FOXM1: variants seen among roughly 807,000 people sequenced by gnomAD.
The protein encoded by FOXM1 is forkhead box M1.
FOXM1 carries 25 observed loss-of-function variants against 63.6 expected under a neutral mutation model. The observed-to-expected ratio is 0.39, with a 90% CI of 0.29 to 0.55. FOXM1 has a LOEUF of 0.55. FOXM1 is among the 20% of genes least tolerant of loss of function. FOXM1 has a pLI of 0.60. For missense variants in FOXM1, 879 were observed against 958.7 expected, an observed-to-expected ratio of 0.92 and a Z score of 1.10; for synonymous variants, 387 against 376.9, an observed-to-expected ratio of 1.03 and a Z score of -0.31.
intron 8 of FOXM1, chr12:2,861,337 T>G (rs367809503): frequency 4.0e-6 from 3 of 743,180 alleles, no homozygotes; most frequent in Non-Finnish European, 7.4e-6. Flanking sequence ...AAGCTGGTGA[T>G]GGGTGTACCA....
chr12:2,874,549 G>C lies in FOXM1; in HGVS notation c.-47-24C>G. On this transcript the variant is annotated intron_variant, in intron 1 of 8. Transcript: ENST00000359843. This position sits in a 1 kb window ranked among gnomAD's most constrained non-coding sequence, Gnocchi z 4.3. ...CCCTGGAAAATGCAAATAGTGGCAA[G>C]ATGTTAGAGATTGTTTAGGCTGAGA... 2.1e-6 allele frequency: 3 copies of C among 1,463,146 alleles called. No individual in the cohort carries two copies. Among genetic ancestry groups the C allele is most frequent in the Non-Finnish European group, 9.2e-7 (1 of 1,090,530 alleles). The allele number at this position is 1,463,146 out of a possible 1,614,324, so 90.6% of individuals were successfully genotyped here. A position where few individuals can be genotyped will look rare whatever the true frequency, so the allele number is the denominator to read the frequency against.
At chr12:2,869,205 T>C (rs1044428691) in intron 3 of FOXM1, among the ~76,000 whole-genome samples, 3 of 152,234 alleles carry the variant, frequency 2.0e-5, no homozygotes, top group African/African-American at 4.8e-5. Context: ...CTCAAGACTA[T>C]GAGTCAGACA....
At position 2,864,702 on chromosome 12, in the gene FOXM1, G is replaced by C; in HGVS notation, c.1071C>G (p.Thr357=). 6.2e-7 allele frequency: 1 copy of C among 1,614,150 alleles called. No homozygotes were observed. Among genetic ancestry groups the C allele is most frequent in the Non-Finnish European group, 8.5e-7 (1 of 1,180,022 alleles). The change falls in exon 7 of 9, where the codon ACC becomes ACG. Residue 357 remains threonine, a synonymous_variant. Transcript: ENST00000359843. This position sits in a 1 kb window ranked among gnomAD's most constrained non-coding sequence, Gnocchi z 5.1. ...ACTAACGTGCGCCCAGGGGGAGTTC[G>C]GTTTTGATGGTCATGTTCCGGCGGA... ...PELRRNMTIK[T]ELPLGARRKM...
At chr12:2,867,641 G>A (rs1261637970) in intron 4 of FOXM1, among the ~76,000 whole-genome samples, 6 of 148,436 alleles carry the variant, frequency 4.0e-5, no homozygotes, top group Non-Finnish European at 8.9e-5. Flanking sequence ...CAGCCTGGGT[G>A]ACAGAGCGAG....
Position 2,859,266 on chromosome 12 carries a change from A to G in FOXM1, c.1664T>C (p.Val555Ala), listed in dbSNP as rs903578380. The change falls in exon 9 of 9, where the codon GTG becomes GCG. Residue 555 changes from valine (V) to alanine (A), a missense_variant. By Grantham distance (64) the Val-to-Ala change is moderately conservative. This residue lies in a region of FOXM1 where 486 missense variants were observed against 453.5 expected (regional missense o/e 1.07). Transcript: ENST00000359843. The part of the protein sequence containing the change: ...RRKQHLLPPC[V>A]DEPELLFSEG... ...TGAGAAGAGCAGCTCCGGCTCATCC[A>G]CACAGGGAGGCAGTAGATGCTGTTT... The G allele has an allele frequency of 6.2e-7, 1 of 1,613,746 alleles. No homozygotes were observed.
chr12:2,875,724 A>AG (rs2098141554), intron 1 of FOXM1, among the ~76,000 whole-genome samples: 1 of 13,042 alleles, frequency 7.7e-5, no homozygotes, highest in Non-Finnish European at 1.4e-4. Flanking sequence ...CTAACAGTGT[A>AG]GTCTTTTTTT....
intron 8 of FOXM1, among the ~76,000 whole-genome samples, chr12:2,862,967 C>G: frequency 6.6e-6 from 1 of 152,120 alleles, no homozygotes; most frequent in East Asian, 1.9e-4. Flanking sequence ...TCAGCCCGTA[C>G]TCACAGAACC....
chr12:2,864,370 T>G lies in FOXM1; in HGVS notation c.1216A>C (p.Met406Leu), dbSNP rs530641866. 6.2e-7 allele frequency: 1 copy of G among 1,613,956 alleles called. No individual in the cohort carries two copies. The highest frequency in any genetic ancestry group is 2.2e-5 in the East Asian group (1 of 44,864). The change falls in exon 8 of 9, where the codon ATG becomes CTG. Residue 406 changes from methionine (M) to leucine (L), a missense_variant. Coordinates refer to ENST00000359843, the MANE Select transcript of FOXM1 (RefSeq NM_021953.4). This position sits in a 1 kb window ranked among gnomAD's most constrained non-coding sequence, Gnocchi z 5.1. ...KVPLPLAASL[M>L]SSELARHSKR... ...CTATGGCGGGCAAGCTCTGAGCTCA[T>G]GAGGGAAGCCGCCAGGGGCAATGGC...
intron 8 of FOXM1, among the ~76,000 whole-genome samples, chr12:2,862,225 A>G (rs984872412): frequency 5.3e-5 from 8 of 152,048 alleles, no homozygotes; most frequent in Non-Finnish European, 1.0e-4. Flanking sequence ...TATGCACAAC[A>G]TGATTACATT....
intron 3 of FOXM1, among the ~76,000 whole-genome samples, 174 bp downstream of exon 3, chr12:2,871,922 A>G (rs28990696): frequency 0.03 from 4,585 of 152,236 alleles, 241 homozygotes; most frequent in African/African-American, 0.1. Context: ...CACAGATGGG[A>G]GAGAAAAGAT....
Position 2,874,531 on chromosome 12 carries a change from A to G in FOXM1, c.-47-6T>C. 1 of 1,526,538 alleles carries G rather than the reference A, an allele frequency of 6.6e-7. No individual in the cohort carries two copies. Among genetic ancestry groups the G allele is most frequent in the South Asian group, 1.3e-5 (1 of 79,074 alleles). 94.6% of individuals were successfully genotyped at this position (1,526,538 alleles called of 1,614,324 possible). On this transcript the variant is annotated splice_polypyrimidine_tract_variant and splice_region_variant and intron_variant, in intron 1 of 8. Coordinates refer to ENST00000359843, the MANE Select transcript of FOXM1 (RefSeq NM_021953.4). This position sits in a 1 kb window ranked among gnomAD's most constrained non-coding sequence, Gnocchi z 4.3. Reference sequence around the variant, plus strand: ...GAGAATCACAAGTGTGGACCCTGGAAAATGCAAATAGTGGCAAGATGTTAG... The same window carrying G: ...GAGAATCACAAGTGTGGACCCTGGAGAATGCAAATAGTGGCAAGATGTTAG...
intron 8 of FOXM1, 98 bp from the exon 9 acceptor site, chr12:2,859,761 G>T: frequency 1.1e-6 from 1 of 892,896 alleles, no homozygotes; most frequent in Non-Finnish European, 1.7e-6. Flanking sequence ...TCGTTTTGAA[G>T]TCTTAAAATC....
In FOXM1 at chr12:2,858,359, A is replaced by G. The variant is rs11831122; in HGVS notation, c.*279T>C. The G allele has an allele frequency of 0.021, 8,811 of 412,270 alleles. 637 individuals are homozygous for G. The highest frequency in any genetic ancestry group is 0.16 in the African/African-American group (7,952 of 50,656). 25.5% of individuals were successfully genotyped at this position (412,270 alleles called of 1,614,324 possible). A position where few individuals can be genotyped will look rare whatever the true frequency, so the allele number is the denominator to read the frequency against. On this transcript the variant is annotated 3_prime_UTR_variant, in exon 9 of 9. Coordinates refer to ENST00000359843, the MANE Select transcript of FOXM1 (RefSeq NM_021953.4). ...AAGAGACTGCTGGGCAGAGAATGGA[A>G]ACAGGCTGGGGGGTTCCTAATCTCT...
intron 3 of FOXM1, among the ~76,000 whole-genome samples, chr12:2,870,957 CAAAAAAAAAAAAAAAAA>C: frequency 2.6e-5 from 1 of 39,126 alleles, no homozygotes; most frequent in Non-Finnish European, 4.8e-5. Context: ...GACTACGTCT[CAAAAAAAAAAAAAAAAA>C]AAAAAAAAGC....
chr12:2,860,523 T>C (rs1430611687), intron 8 of FOXM1, among the ~76,000 whole-genome samples: 1 of 151,926 alleles, frequency 6.6e-6, no homozygotes, highest in Non-Finnish European at 1.5e-5. Flanking sequence ...AGATAAACAA[T>C]AGAAGTAGAA....
chr12:2,864,482 C>T lies in FOXM1; in HGVS notation c.1104G>A (p.Lys368=). 2 of 1,612,242 alleles carry T rather than the reference C, an allele frequency of 1.2e-6. No individual in the cohort carries two copies. The highest frequency in any genetic ancestry group is 1.7e-6 in the Non-Finnish European group (2 of 1,178,576). Residue 368 remains lysine, a synonymous_variant, in exon 8 of 9, where the codon AAG becomes AAA. Transcript: ENST00000359843. This position sits in a 1 kb window ranked among gnomAD's most constrained non-coding sequence, Gnocchi z 5.1. ...ELPLGARRKM[K]PLLPRVSSYL... ...ATGAGCTGACCCGTGGTAGCAGTGG[C>T]TTCATCTTCCGCCCTAGGAGGAAAC... is the stretch of plus-strand genomic sequence containing the variant.
chr12:2,863,231 A>G (rs1022734329), intron 8 of FOXM1, among the ~76,000 whole-genome samples: 7 of 152,160 alleles, frequency 4.6e-5, no homozygotes, highest in Non-Finnish European at 1.0e-4. Flanking sequence ...CACGCCCAAC[A>G]AAGAATTCTC....
At chr12:2,875,285 G>A (rs1392532903) in intron 1 of FOXM1, among the ~76,000 whole-genome samples, 1 of 152,162 alleles carries the variant, frequency 6.6e-6, no homozygotes, top group African/African-American at 2.4e-5. Flanking sequence ...GAGCCACCGC[G>A]TCTGGCCAAG....
chr12:2,866,036 G>T (rs1299643338), intron 5 of FOXM1, among the ~76,000 whole-genome samples: 1 of 152,030 alleles, frequency 6.6e-6, no homozygotes, highest in Non-Finnish European at 1.5e-5. Context: ...AAATTCCTGG[G>T]CCCATCCCAG....
Sources: gnomAD v4.1 joint callset for allele counts (sites outside exome capture counted in the v4.1 genomes callset) on GRCh38, gnomAD v4.1.1 for gene constraint, gnomAD v4.1.1 regional missense constraint, Gnocchi (gnomAD v3.1) non-coding constraint, MANE v1.5 for transcripts, NCBI Gene and HGNC (gene_info 2026-07-23, HGNC 2026-07-21) for gene names.